Variants in COL9A1 observed in about 807,000 individuals in gnomAD.
COL9A1 encodes the protein collagen type IX alpha 1 chain, also known as collagen alpha-1(IX) chain.
Under a neutral mutation model 142.6 loss-of-function variants are expected in COL9A1, and 104 were observed. The observed-to-expected ratio is 0.73, with a 90% CI of 0.62 to 0.86. COL9A1 has a LOEUF of 0.86. COL9A1 is among the 40% of genes least tolerant of loss of function. The probability of loss-of-function intolerance (pLI) is 0.00; values close to 1 mark genes in which losing one functional copy is unlikely to be tolerated. For synonymous variants in COL9A1, 466 were observed against 396.0 expected (o/e 1.18, Z -2.10); for missense variants, 1,210 against 1,176.6 (o/e 1.03, Z -0.42).
intron 2 of COL9A1, among the ~76,000 whole-genome samples, chr6:70,300,762 T>C (rs1001227145): frequency 1.3e-5 from 2 of 152,202 alleles, no homozygotes; most frequent in Non-Finnish European, 2.9e-5. Context: ...GTGTCCTGAA[T>C]GGCACAGGGT....
intron 19 of COL9A1, among the ~76,000 whole-genome samples, chr6:70,262,636 G>A (rs1771764531): frequency 6.6e-6 from 1 of 152,168 alleles, no homozygotes. Context: ...GAAAAAAAGT[G>A]TAACAACTCC....
intron 20 of COL9A1, among the ~76,000 whole-genome samples, chr6:70,258,383 T>C (rs570222444): frequency 6.6e-6 from 1 of 152,230 alleles, no homozygotes; most frequent in South Asian, 2.1e-4. Context: ...GAAAACCAGG[T>C]GGACGGCATG....
rs1771333032 is a variant in COL9A1, at chr6:70,256,840, A to G, written c.1450-19T>C. The G allele has an allele frequency of 6.2e-7, 1 of 1,613,198 alleles. No homozygotes were observed. The highest frequency in any genetic ancestry group is 2.2e-5 in the East Asian group (1 of 44,844). On this transcript the variant is annotated intron_variant, in intron 20 of 37. Coordinates refer to ENST00000357250, the MANE Select transcript of COL9A1 (RefSeq NM_001851.6). ...GAGCACCCTGCAAAAAAACAAGACA[A>G]TGGAAAAAAACTGAGATCAGTCATG...
chr6:70,296,513 T>A (rs1443312565), intron 4 of COL9A1, among the ~76,000 whole-genome samples: 2 of 152,152 alleles, frequency 1.3e-5, no homozygotes, highest in Non-Finnish European at 2.9e-5. Context: ...GTTTTTAATA[T>A]ACTTCCTGTT....
intron 10 of COL9A1, 112 bp downstream of exon 10, chr6:70,280,700 G>T: frequency 7.1e-7 from 1 of 1,411,504 alleles, no homozygotes; most frequent in Non-Finnish European, 9.7e-7. Flanking sequence ...TAGAGCCACA[G>T]CGCGTTCTCT....
At chr6:70,241,214 A>T (rs1356416257) in intron 31 of COL9A1, among the ~76,000 whole-genome samples, 1 of 152,208 alleles carries the variant, frequency 6.6e-6, no homozygotes, top group East Asian at 1.9e-4. Flanking sequence ...CCTGGAGCAG[A>T]GCCATCTTTA....
In COL9A1 at chr6:70,294,482, G is replaced by GT; in HGVS notation, c.380dup (p.Asn127LysfsTer21). The GT allele has an allele frequency of 6.2e-7, 1 of 1,614,108 alleles. No homozygotes were observed. Among genetic ancestry groups the GT allele is most frequent in the Non-Finnish European group, 8.5e-7 (1 of 1,179,974 alleles). On this transcript the variant is annotated frameshift_variant, in exon 5 of 38. Coordinates refer to ENST00000357250, the MANE Select transcript of COL9A1 (RefSeq NM_001851.6). LOFTEE classifies it high-confidence loss of function. ...AATCCTGAATCTGCCAAATGTTCCAGTTCTTTTTGAGAGTGCTTCCAGTCA... is the reference window on the plus strand; with the variant it reads ...AATCCTGAATCTGCCAAATGTTCCAGTTTCTTTTTGAGAGTGCTTCCAGTCA...
At chr6:70,292,277 G>T (rs1247016572) in intron 5 of COL9A1, among the ~76,000 whole-genome samples, 1 of 152,082 alleles carries the variant, frequency 6.6e-6, no homozygotes, top group Non-Finnish European at 1.5e-5. Flanking sequence ...TCTTTTTTGT[G>T]TTTCCTGATA....
chr6:70,252,014 G>A lies in COL9A1; in HGVS notation c.1872+106C>T, dbSNP rs1346571357. 5 of 1,170,296 alleles carry A rather than the reference G, an allele frequency of 4.3e-6. No individual in the cohort carries two copies. The African/African-American group carries it at 4.5e-5, about 11-fold the overall frequency. 72.5% of individuals were successfully genotyped at this position (1,170,296 alleles called of 1,614,324 possible). A position where few individuals can be genotyped will look rare whatever the true frequency, so the allele number is the denominator to read the frequency against. ...CCTTGTGTGTCTTGGACTAGCATGG[G>A]CTCAAACATCAGACAGCATTCATGG... On this transcript the variant is annotated intron_variant, in intron 28 of 37. Transcript: ENST00000357250.
Position 70,242,206 on chromosome 6 carries a change from G to A in COL9A1, c.1927-171C>T, listed in dbSNP as rs150796746. On this transcript the variant is annotated intron_variant, in intron 29 of 37. Coordinates refer to ENST00000357250, the MANE Select transcript of COL9A1 (RefSeq NM_001851.6). ...TTTCATATTCTCAGGAGAAGAGGGC[G>A]GGGCCAATGTTCTCCCAGCCTTCAC... 0.014 allele frequency: 9,812 copies of A among 679,676 alleles called. 136 individuals are homozygous for A. The highest frequency in any genetic ancestry group is 0.058 in the Middle Eastern group (199 of 3,458). 42.1% of individuals were successfully genotyped at this position (679,676 alleles called of 1,614,324 possible). A position where few individuals can be genotyped will look rare whatever the true frequency, so the allele number is the denominator to read the frequency against.
Position 70,241,445 on chromosome 6 carries a change from C to T in COL9A1, c.2008G>A (p.Gly670Ser), listed in dbSNP as rs778543412. The T allele has an allele frequency of 4.5e-5, 72 of 1,609,928 alleles. No homozygotes were observed. Among genetic ancestry groups the T allele is most frequent in the Admixed American group, 5.0e-5 (3 of 59,976 alleles). ...PGMKGDRGVV[G>S]EPGPKGEQGA... is the part of the protein sequence containing the mutation. ...TGTTCACCCTTTGGACCCGGTTCAC[C>T]GACTACACCCTGTAATAAATAAAAT... Residue 670 changes from glycine to serine, a missense_variant, in exon 31 of 38, where the codon GGT (glycine) becomes AGT (serine). Coordinates refer to ENST00000357250, the MANE Select transcript of COL9A1 (RefSeq NM_001851.6).
At chr6:70,302,869 AG>A (rs757683410) in intron 1 of COL9A1, 41 bp downstream of exon 1, 57 of 1,609,762 alleles carry the variant, frequency 3.5e-5, no homozygotes, top group Non-Finnish European at 4.8e-5. Context: ...GAGGACCCCC[AG>A]CTCCATCTCC....
chr6:70,271,563 AG>A, intron 14 of COL9A1, 91 bp downstream of exon 14: 5 of 1,106,442 alleles, frequency 4.5e-6, no homozygotes, highest in Non-Finnish European at 6.9e-6. Flanking sequence ...TTGGTTTGCA[AG>A]TGGAAATGTA....
At chr6:70,275,544 C>G (rs141883302) in intron 10 of COL9A1, among the ~76,000 whole-genome samples, 135 of 152,126 alleles carry the variant, frequency 8.9e-4, no homozygotes, top group African/African-American at 3.2e-3. Context: ...TCTAAACATT[C>G]TCATTTTCCC....
intron 15 of COL9A1, 87 bp from the exon 16 acceptor site, chr6:70,269,752 T>C: frequency 1.3e-6 from 1 of 799,762 alleles, no homozygotes; most frequent in Non-Finnish European, 2.1e-6. Context: ...CAGGCAAAAG[T>C]ATAAAATATA....
At chr6:70,275,834 A>G (rs1008456254) in intron 10 of COL9A1, among the ~76,000 whole-genome samples, 1 of 152,088 alleles carries the variant, frequency 6.6e-6, no homozygotes, top group Admixed American at 6.6e-5. Context: ...AGAAGACCCA[A>G]ACAATATTGA....
Position 70,252,268 on chromosome 6 carries a change from GC to G in COL9A1, c.1811del (p.Gly604AlafsTer27). The G allele has an allele frequency of 6.2e-7, 1 of 1,614,172 alleles. No homozygotes were observed. The highest frequency in any genetic ancestry group is 8.5e-7 in the Non-Finnish European group (1 of 1,180,006). Reference protein sequence around the residue: ...PGKPGQMGNSGKPGQQGPPGE... With the variant: ...PGKPGQMGNSXKPGQQGPPGE... ...AGGTAAAATGGTGTCTTACCGGTTT[GC>G]CTGAATTTCCCATCTGACCAGGCTT... On this transcript the variant is annotated frameshift_variant, in exon 27 of 38. Coordinates refer to ENST00000357250, the MANE Select transcript of COL9A1 (RefSeq NM_001851.6). LOFTEE classifies it high-confidence loss of function.
At chr6:70,234,629 G>C (rs1226006070) in intron 34 of COL9A1, 36 bp from the exon 35 acceptor site, 1 of 1,612,354 alleles carries the variant, frequency 6.2e-7, no homozygotes, top group South Asian at 1.1e-5. Flanking sequence ...GTTTATGCAT[G>C]AAACCATAAA....
chr6:70,234,304 C>CAAAA lies in COL9A1; in HGVS notation c.2314+231_2314+234dup, dbSNP rs55719911. Among the ~76,000 whole-genome samples, 24,069 of 143,572 alleles carry CAAAA rather than the reference C, an allele frequency of 0.17. 2,414 individuals are homozygous for CAAAA. The highest frequency in any genetic ancestry group is 0.24 in the Non-Finnish European group (15,263 of 64,788). The allele number at this position is 143,572 out of a possible 152,430, so 94.2% of individuals were successfully genotyped here. A position where few individuals can be genotyped will look rare whatever the true frequency, so the allele number is the denominator to read the frequency against. ...CCCATGGCAAAAAAACAAAACAAAA[C>CAAAA]AAAAAAAAGGCAGGATAACCAGAAA... On this transcript the variant is annotated intron_variant, in intron 35 of 37. Coordinates refer to ENST00000357250, the MANE Select transcript of COL9A1 (RefSeq NM_001851.6).
Sources: allele counts gnomAD v4.1 joint callset (sites outside exome capture counted in the v4.1 genomes callset), GRCh38; gene constraint gnomAD v4.1.1; transcripts MANE v1.5; gene names NCBI Gene and HGNC (gene_info 2026-07-23, HGNC 2026-07-21).